The following PALD1 variants were observed in gnomAD, a reference collection of about 807,000 sequenced individuals.
PALD1 encodes the protein phosphatase domain containing paladin 1.
A neutral mutation model predicts 96.0 loss-of-function variants in PALD1; 57 were observed. The observed-to-expected ratio is 0.59, with a 90% confidence interval of 0.48 to 0.74. The LOEUF is 0.74. Ranked by LOEUF, PALD1 falls within the 30% of genes least tolerant of loss-of-function variation. PALD1 has a pLI of 0.00. For missense variants in PALD1, 1,063 were observed against 1,143.7 expected (o/e 0.93, Z 1.02); for synonymous variants, 464 against 473.6 (o/e 0.98, Z 0.26).
chr10:70,531,876 G>A (rs567673906), intron 5 of PALD1, among the ~76,000 whole-genome samples: 25 of 151,960 alleles, frequency 1.6e-4, no homozygotes, highest in African/African-American at 5.3e-4. Context: ...CTAGCTACTC[G>A]GGAGGCTGAG....
chr10:70,507,977 C>T (rs1846427229), intron 1 of PALD1, among the ~76,000 whole-genome samples: 3 of 152,148 alleles, frequency 2.0e-5, no homozygotes, highest in Admixed American at 2.0e-4. Flanking sequence ...CAGGGAGACC[C>T]CTGTGGTGGG....
intron 1 of PALD1, among the ~76,000 whole-genome samples, chr10:70,516,322 C>A (rs1158710602): frequency 6.6e-6 from 1 of 151,932 alleles, no homozygotes; most frequent in African/African-American, 2.4e-5. Context: ...ATAAAAAAGG[C>A]ACAGTTTTTC....
At chr10:70,460,674 C>G in the PALD1 span, among the ~76,000 whole-genome samples, 1 of 152,200 alleles carries the variant, frequency 6.6e-6, no homozygotes, top group Non-Finnish European at 1.5e-5. Flanking sequence ...CCTGGCCCCC[C>G]AGAATCCACT....
At chr10:70,481,893 T>C (rs1589166591) in intron 1 of PALD1, among the ~76,000 whole-genome samples, 1 of 152,392 alleles carries the variant, frequency 6.6e-6, no homozygotes, top group Non-Finnish European at 1.5e-5. Context: ...TAATGCACCA[T>C]GCAACCTCCA....
chr10:70,487,519 C>T (rs1846032873), intron 1 of PALD1, among the ~76,000 whole-genome samples: 1 of 151,664 alleles, frequency 6.6e-6, no homozygotes, highest in Admixed American at 6.6e-5. Context: ...AGGTGAAATC[C>T]ATTTAAATAA....
At chr10:70,485,708 C>G (rs138537150) in intron 1 of PALD1, 2,982 of 152,616 alleles carry the variant, frequency 0.02, 37 homozygotes, top group Non-Finnish European at 0.03. Context: ...CCGTGCCCAG[C>G]CACAAACTTC....
upstream of PALD1, among the ~76,000 whole-genome samples, chr10:70,476,375 C>G (rs1440026614): frequency 1.3e-5 from 2 of 152,186 alleles, no homozygotes; most frequent in Non-Finnish European, 2.9e-5. Flanking sequence ...GTCCTTGTTC[C>G]CCTCCCAGGC....
chr10:70,556,434 G>T (rs1389609282), intron 18 of PALD1, among the ~76,000 whole-genome samples: 3 of 152,082 alleles, frequency 2.0e-5, no homozygotes, highest in African/African-American at 7.2e-5. Flanking sequence ...TCCTGCCTCG[G>T]CCTCCAGAGT....
At chr10:70,467,340 G>A in the PALD1 span, among the ~76,000 whole-genome samples, 1 of 149,754 alleles carries the variant, frequency 6.7e-6, no homozygotes, top group Non-Finnish European at 1.5e-5. Context: ...ATGAGATGGT[G>A]TTTCTCAAAT....
At chr10:70,475,759 G>A (rs966175416), upstream of PALD1, among the ~76,000 whole-genome samples, 4 of 152,082 alleles carry the variant, frequency 2.6e-5, no homozygotes, top group Non-Finnish European at 5.9e-5. Flanking sequence ...CTGAACTTGG[G>A]AGCTCTCTCC....
rs1245668191 is a variant in PALD1, at chr10:70,534,903, C to T, written c.1227+60C>T. ...CTCTGTGAGCCCTGCAGCCTGATTT[C>T]ATTAGGCATGTTGACTGGTTTCTTT... On this transcript the variant is annotated intron_variant, in intron 10 of 19. Transcript: ENST00000263563. 1.3e-5 allele frequency: 14 copies of T among 1,110,482 alleles called. No individual in the cohort carries two copies. The East Asian group carries it at 3.5e-4, about 28-fold the overall frequency. 68.8% of individuals were successfully genotyped at this position (1,110,482 alleles called of 1,614,324 possible). A position where few individuals can be genotyped will look rare whatever the true frequency, so the allele number is the denominator to read the frequency against.
intron 1 of PALD1, among the ~76,000 whole-genome samples, chr10:70,518,031 G>A (rs576782256): frequency 6.6e-6 from 1 of 152,262 alleles, no homozygotes; most frequent in South Asian, 2.1e-4. Flanking sequence ...AGCTTCCCGA[G>A]TAACTGGGAT....
chr10:70,548,596 G>C (rs537277713), intron 18 of PALD1, among the ~76,000 whole-genome samples: 2 of 152,082 alleles, frequency 1.3e-5, no homozygotes. Flanking sequence ...CGGTGGGTAG[G>C]GGGTGAGGAT....
upstream of PALD1, among the ~76,000 whole-genome samples, chr10:70,474,078 C>T (rs1039985591): frequency 6.6e-6 from 1 of 152,138 alleles, no homozygotes; most frequent in African/African-American, 2.4e-5. Flanking sequence ...GCTAGAGTCA[C>T]GCTCCTGCCA....
chr10:70,561,046 G>A (rs530821431), intron 18 of PALD1, among the ~76,000 whole-genome samples: 23 of 152,306 alleles, frequency 1.5e-4, no homozygotes, highest in African/African-American at 5.5e-4. Context: ...TTCTGGGGGC[G>A]GGGGTCAGGC....
At chr10:70,461,339 C>G in the PALD1 span, among the ~76,000 whole-genome samples, 2 of 152,232 alleles carry the variant, frequency 1.3e-5, no homozygotes, top group Non-Finnish European at 2.9e-5. Flanking sequence ...TAGGAGTACC[C>G]CAAGTACTTA....
intron 4 of PALD1, 70 bp from the exon 5 acceptor site, chr10:70,531,220 G>T (rs1472551545): frequency 7.5e-7 from 1 of 1,325,154 alleles, no homozygotes; most frequent in East Asian, 2.3e-5. Flanking sequence ...AGGCCCTGAG[G>T]TGGGGCAGTG....
rs375826960 is a variant in PALD1 at position 70,494,800 on chromosome 10, T to C, written c.-30+15741T>C. On this transcript the variant is annotated intron_variant, in intron 1 of 19. Transcript: ENST00000263563. ...GTCATGTCCTCCATTCTGCAGACAGTGAAGTAGGGAGCTTTTATATGGGCA... is the reference window on the plus strand; with the variant it reads ...GTCATGTCCTCCATTCTGCAGACAGCGAAGTAGGGAGCTTTTATATGGGCA... Among the ~76,000 whole-genome samples the C allele has an allele frequency of 1.7e-4, 26 of 152,244 alleles. No homozygotes were observed. In the East Asian group the frequency reaches 4.2e-3, roughly 25 times the overall value.
At chr10:70,526,185 G>A (rs551189334) in intron 2 of PALD1, 49 bp downstream of exon 2, 44 of 1,507,352 alleles carry the variant, frequency 2.9e-5, no homozygotes, top group East Asian at 1.4e-4. Context: ...CATGATGGGC[G>A]GGGGGACCTG....
Sources: allele counts gnomAD v4.1 joint callset (sites outside exome capture counted in the v4.1 genomes callset), GRCh38; gene constraint gnomAD v4.1.1; transcripts MANE v1.5; gene names NCBI Gene and HGNC (gene_info 2026-07-23, HGNC 2026-07-21).